Variants in RAP1B observed in about 807,000 individuals in gnomAD.
RAP1B encodes RAP1B, member of RAS oncogene family.
Under a neutral mutation model 27.5 loss-of-function variants are expected in RAP1B, and 1 was observed. That is an observed-to-expected ratio of 0.04 (90% confidence interval 0.01 to 0.17). RAP1B has a LOEUF of 0.17. Among genes scored for constraint, RAP1B ranks in the 10% least tolerant of loss-of-function variants. The pLI is 1.00. For missense variants in RAP1B, 84 were observed against 214.8 expected, an observed-to-expected ratio of 0.39 and a Z score of 3.81; for synonymous variants, 75 against 73.1, an observed-to-expected ratio of 1.03 and a Z score of -0.13.
At chr12:68,640,172 A>T (rs1270176861) in intron 1 of RAP1B, among the ~76,000 whole-genome samples, 1 of 152,162 alleles carries the variant, frequency 6.6e-6, no homozygotes, top group African/African-American at 2.4e-5. Flanking sequence ...AACAGGACAA[A>T]GCCTAATGGT....
chr12:68,631,275 A>T (rs1872219614), intron 1 of RAP1B, among the ~76,000 whole-genome samples: 1 of 152,108 alleles, frequency 6.6e-6, no homozygotes, highest in African/African-American at 2.4e-5. Flanking sequence ...ACTTTCTTGC[A>T]GTTTCTTCCA....
At chr12:68,648,807 C>T in intron 2 of RAP1B, 26 bp downstream of exon 2, 7 of 1,584,952 alleles carry the variant, frequency 4.4e-6, no homozygotes, top group African/African-American at 1.4e-5. Flanking sequence ...TTTACCTAAG[C>T]CTTTCACTCC....
chr12:68,612,629 C>T (rs1870686968), intron 1 of RAP1B, among the ~76,000 whole-genome samples: 1 of 152,184 alleles, frequency 6.6e-6, no homozygotes, highest in South Asian at 2.1e-4. Context: ...TCCCATATCG[C>T]ACTTTTAAAA....
intron 4 of RAP1B, 27 bp downstream of exon 4, chr12:68,652,078 A>G (rs1011124430): frequency 1.9e-6 from 3 of 1,549,182 alleles, no homozygotes; most frequent in Non-Finnish European, 2.7e-6. Flanking sequence ...ACCAAAGTAT[A>G]TACACCGTTT....
At chr12:68,619,363 T>C (rs1051424239) in intron 1 of RAP1B, among the ~76,000 whole-genome samples, 2 of 152,252 alleles carry the variant, frequency 1.3e-5, no homozygotes, top group Non-Finnish European at 2.9e-5. Context: ...TATCAGCTGC[T>C]GTAAGTATAT....
At chr12:68,650,857 A>G (rs367958074) in intron 3 of RAP1B, 1 of 152,918 alleles carries the variant, frequency 6.5e-6, no homozygotes, top group African/African-American at 2.4e-5. Flanking sequence ...AAGTGCCACC[A>G]CTCACAATAC....
chr12:68,623,708 G>A (rs1048686615), intron 1 of RAP1B, among the ~76,000 whole-genome samples: 29 of 152,184 alleles, frequency 1.9e-4, no homozygotes, highest in African/African-American at 6.3e-4. Flanking sequence ...AGAGATTTTA[G>A]GATTTCAGAA....
intron 1 of RAP1B, among the ~76,000 whole-genome samples, chr12:68,646,105 C>T (rs1189048244): frequency 6.6e-6 from 1 of 152,104 alleles, no homozygotes; most frequent in Non-Finnish European, 1.5e-5. Flanking sequence ...AGTGTAGCTC[C>T]CACAGCCAAC....
chr12:68,625,414 A>G (rs577287204), intron 1 of RAP1B, among the ~76,000 whole-genome samples: 1 of 152,364 alleles, frequency 6.6e-6, no homozygotes, highest in Admixed American at 6.5e-5. Context: ...GCTTAGGTTG[A>G]GATACTAAAA....
intron 5 of RAP1B, among the ~76,000 whole-genome samples, chr12:68,655,139 T>G (rs973293547): frequency 3.4e-4 from 52 of 151,932 alleles, no homozygotes; most frequent in African/African-American, 1.2e-3. Context: ...AGCAAAACCC[T>G]GCCTTTACCA....
At chr12:68,611,341 C>G (rs1466511812) in intron 1 of RAP1B, among the ~76,000 whole-genome samples, 30 of 149,456 alleles carry the variant, frequency 2.0e-4, no homozygotes, top group South Asian at 6.3e-4. Context: ...AGTGAGAGCC[C>G]GAGGACCCCC....
intron 1 of RAP1B, among the ~76,000 whole-genome samples, chr12:68,641,610 A>G (rs1229928528): frequency 6.6e-6 from 1 of 152,220 alleles, no homozygotes; most frequent in African/African-American, 2.4e-5. Flanking sequence ...TACTTTCATC[A>G]ATCAGGTTAG....
intron 1 of RAP1B, among the ~76,000 whole-genome samples, chr12:68,641,789 A>G (rs1321043930): frequency 7.2e-6 from 1 of 139,650 alleles, no homozygotes; most frequent in Non-Finnish European, 1.6e-5. Flanking sequence ...TCTGAATCAA[A>G]GGTAAAAAAA....
chr12:68,613,945 C>A (rs781297635), intron 1 of RAP1B, among the ~76,000 whole-genome samples: 5 of 152,034 alleles, frequency 3.3e-5, no homozygotes, highest in African/African-American at 1.2e-4. Flanking sequence ...GTAAAGTGAC[C>A]CCCTCCCATA....
At chr12:68,628,856 G>T (rs1342503020) in intron 1 of RAP1B, among the ~76,000 whole-genome samples, 1 of 152,122 alleles carries the variant, frequency 6.6e-6, no homozygotes, top group Admixed American at 6.5e-5. Flanking sequence ...TACTATACTG[G>T]ACAGTCCAGA....
intron 1 of RAP1B, among the ~76,000 whole-genome samples, chr12:68,622,341 C>T (rs1489998980): frequency 6.6e-6 from 1 of 152,184 alleles, no homozygotes; most frequent in Non-Finnish European, 1.5e-5. Flanking sequence ...TACAAAGTGA[C>T]CTTTTTAAAA....
chr12:68,623,894 G>A (rs778923438), intron 1 of RAP1B, among the ~76,000 whole-genome samples: 7 of 152,148 alleles, frequency 4.6e-5, no homozygotes, highest in African/African-American at 7.2e-5. Context: ...GGTGGCGCAC[G>A]CCAGTAGTCC....
chr12:68,654,709 C>G (rs1010689445), intron 5 of RAP1B, among the ~76,000 whole-genome samples: 2 of 152,030 alleles, frequency 1.3e-5, no homozygotes, highest in Admixed American at 1.3e-4. Context: ...GATCTCCTGA[C>G]CTTGTGATCC....
rs1168683591 is a variant in RAP1B, at chr12:68,632,146, G to GT, written c.-26-16550dup. ...TTGGATTTGTTTTTTTTTTTTTTTT[G>GT]TTTGTTTTTTTTTTCCAGACTGTTT... On this transcript the variant is annotated intron_variant, in intron 1 of 7. Transcript: ENST00000250559. 5.7e-4 allele frequency among the ~76,000 whole-genome samples: 62 copies of GT among 107,984 alleles called. 1 individual carries two copies. Among genetic ancestry groups the GT allele is most frequent in the African/African-American group, 1.9e-3 (51 of 27,328 alleles). The allele number at this position is 107,984 out of a possible 152,430, so 70.8% of individuals were successfully genotyped here.
Sources: gnomAD v4.1 joint callset for allele counts (sites outside exome capture counted in the v4.1 genomes callset) on GRCh38, gnomAD v4.1.1 for gene constraint, MANE v1.5 for transcripts, NCBI Gene and HGNC (gene_info 2026-07-23, HGNC 2026-07-21) for gene names.